NOXRED1: variants seen among roughly 807,000 people sequenced by gnomAD.
NOXRED1 encodes NADP dependent oxidoreductase domain containing 1.
Under a neutral mutation model 30.4 loss-of-function variants are expected in NOXRED1, and 20 were observed. The observed-to-expected ratio is 0.66, with a 90% CI of 0.46 to 0.96. The LOEUF is 0.96. Among genes scored for constraint, NOXRED1 ranks in the 40% least tolerant of loss-of-function variants. The probability of loss-of-function intolerance (pLI) is 0.00; values close to 1 mark genes in which losing one functional copy is unlikely to be tolerated. For synonymous variants in NOXRED1, 155 were observed against 168.0 expected (o/e 0.92, Z 0.60); for missense variants, 374 against 428.0 (o/e 0.87, Z 1.11).
intron 5 of NOXRED1, among the ~76,000 whole-genome samples, chr14:77,397,838 C>T (rs1222039129): frequency 6.8e-6 from 1 of 147,938 alleles, no homozygotes; most frequent in East Asian, 2.0e-4. Context: ...GCCGAGATTG[C>T]ACCACTCACT....
At position 77,394,104 on chromosome 14, in the gene NOXRED1, T is replaced by C. The variant is rs1894119760; in HGVS notation, c.*527A>G. The C allele has an allele frequency of 6.6e-6, 1 of 152,218 alleles. No homozygotes were observed. Among genetic ancestry groups the C allele is most frequent in the Non-Finnish European group, 1.5e-5 (1 of 68,048 alleles). 9.4% of individuals were successfully genotyped at this position (152,218 alleles called of 1,614,324 possible). A position where few individuals can be genotyped will look rare whatever the true frequency, so the allele number is the denominator to read the frequency against. On this transcript the variant is annotated 3_prime_UTR_variant, in exon 6 of 6. Transcript: ENST00000380835. ...TAAATGGTTTAAATGGGAACAGCTG[T>C]AAATAAGATAGTACCAGAACAGTCA...
At chr14:77,406,462 A>G (rs1894459710) in intron 4 of NOXRED1, 3 of 596,958 alleles carry the variant, frequency 5.0e-6, no homozygotes, top group Non-Finnish European at 8.9e-6. Context: ...AAGCCATTTT[A>G]GTCCAACATT....
chr14:77,423,104 G>A lies in NOXRED1; in HGVS notation c.-215C>T. The A allele has an allele frequency of 2.0e-6, 1 of 497,644 alleles. No individual in the cohort carries two copies. Among genetic ancestry groups the A allele is most frequent in the Non-Finnish European group, 3.5e-6 (1 of 284,120 alleles). The allele number at this position is 497,644 out of a possible 1,614,324, so 30.8% of individuals were successfully genotyped here. The stretch of plus-strand genomic sequence containing the variant: ...ACACTCTAGAGTGTGAGTGTTTGAG[G>A]ATTCCTAATCACTGGCTGCCCATGA... On this transcript the variant is annotated 5_prime_UTR_variant, in exon 1 of 6. Coordinates refer to ENST00000380835, the MANE Select transcript of NOXRED1 (RefSeq NM_001113475.3).
upstream of NOXRED1, among the ~76,000 whole-genome samples, chr14:77,423,816 A>G (rs1895062462): frequency 6.6e-6 from 1 of 152,212 alleles, no homozygotes; most frequent in Non-Finnish European, 1.5e-5. Context: ...TTTGTGTTCA[A>G]GAAACCAATA....
At chr14:77,416,789 G>T (rs71413462) in intron 1 of NOXRED1, among the ~76,000 whole-genome samples, 1 of 150,384 alleles carries the variant, frequency 6.6e-6, no homozygotes, top group East Asian at 2.0e-4. Context: ...CCGGGCAGAG[G>T]CGCCCCTCAC....
intron 5 of NOXRED1, among the ~76,000 whole-genome samples, chr14:77,399,804 T>G (rs1255415459): frequency 6.6e-6 from 1 of 152,040 alleles, no homozygotes; most frequent in East Asian, 1.9e-4. Flanking sequence ...CAAGAAATAT[T>G]TGAAACAATA....
intron 2 of NOXRED1, 129 bp from the exon 3 acceptor site, chr14:77,407,774 A>G (rs778085604): frequency 5.2e-5 from 34 of 650,900 alleles, no homozygotes; most frequent in Non-Finnish European, 9.1e-5. Context: ...CATAAATCAG[A>G]AGATATTCCT....
At chr14:77,407,960 C>T (rs1158859190) in intron 2 of NOXRED1, among the ~76,000 whole-genome samples, 1 of 151,680 alleles carries the variant, frequency 6.6e-6, no homozygotes, top group Non-Finnish European at 1.5e-5. Context: ...CTCCGCCTCC[C>T]GGGTTCAAGC....
At chr14:77,396,302 T>C (rs1894182609) in intron 5 of NOXRED1, among the ~76,000 whole-genome samples, 1 of 131,726 alleles carries the variant, frequency 7.6e-6, no homozygotes, top group African/African-American at 3.2e-5. Context: ...CAGGCTGCAG[T>C]GCGATGGTGT....
intron 3 of NOXRED1, among the ~76,000 whole-genome samples, chr14:77,407,154 C>G (rs17105757): frequency 6.6e-6 from 1 of 152,112 alleles, no homozygotes; most frequent in Non-Finnish European, 1.5e-5. Flanking sequence ...TGTTATTGAC[C>G]GATGGTTTCT....
intron 5 of NOXRED1, 102 bp downstream of exon 5, chr14:77,405,811 T>C (rs1170840369): frequency 4.3e-6 from 3 of 698,346 alleles, no homozygotes; most frequent in Non-Finnish European, 7.2e-6. Context: ...GTATAATTTT[T>C]ATCAATGTTT....
chr14:77,413,543 C>T (rs57273914), intron 2 of NOXRED1, among the ~76,000 whole-genome samples: 9,368 of 152,056 alleles, frequency 0.062, 354 homozygotes, highest in Middle Eastern at 0.095. Flanking sequence ...GACCACAAAA[C>T]ATTTTTTTAA....
intron 1 of NOXRED1, among the ~76,000 whole-genome samples, chr14:77,420,781 T>C (rs962064039): frequency 6.6e-6 from 1 of 152,144 alleles, no homozygotes; most frequent in East Asian, 1.9e-4. Flanking sequence ...ACTGGCACCA[T>C]ACAGGGGAAG....
At chr14:77,406,906 T>C in intron 3 of NOXRED1, 31 bp from the exon 4 acceptor site, 1 of 1,595,284 alleles carries the variant, frequency 6.3e-7, no homozygotes, top group Non-Finnish European at 8.6e-7. Context: ...GGGAGTGCAA[T>C]GCCAGGACTG....
Position 77,394,465 on chromosome 14 carries a change from A to G in NOXRED1, c.*166T>C. 1 of 465,862 alleles carries G rather than the reference A, an allele frequency of 2.1e-6. No individual in the cohort carries two copies. Among genetic ancestry groups the G allele is most frequent in the Non-Finnish European group, 3.8e-6 (1 of 265,352 alleles). 28.9% of individuals were successfully genotyped at this position (465,862 alleles called of 1,614,324 possible). A position where few individuals can be genotyped will look rare whatever the true frequency, so the allele number is the denominator to read the frequency against. Reference sequence around the variant, plus strand: ...ATTGATGGATAGGACCACTTGTTTTATTCTACATTTTAAAGAGTCATCAGT... The same window carrying G: ...ATTGATGGATAGGACCACTTGTTTTGTTCTACATTTTAAAGAGTCATCAGT... On this transcript the variant is annotated 3_prime_UTR_variant, in exon 6 of 6. Coordinates refer to ENST00000380835, the MANE Select transcript of NOXRED1 (RefSeq NM_001113475.3).
At chr14:77,395,489 T>G (rs1894157815) in intron 5 of NOXRED1, among the ~76,000 whole-genome samples, 1 of 152,098 alleles carries the variant, frequency 6.6e-6, no homozygotes, top group Admixed American at 6.6e-5. Flanking sequence ...GCTTTTAAGA[T>G]ATCCTCTTTA....
At chr14:77,419,954 T>C (rs1456041052) in intron 1 of NOXRED1, among the ~76,000 whole-genome samples, 1 of 152,202 alleles carries the variant, frequency 6.6e-6, no homozygotes. Context: ...GTGGTCCTCT[T>C]TGGGTTCATC....
At chr14:77,418,980 CT>C (rs1894908866) in intron 1 of NOXRED1, among the ~76,000 whole-genome samples, 1 of 151,352 alleles carries the variant, frequency 6.6e-6, no homozygotes, top group Non-Finnish European at 1.5e-5. Flanking sequence ...TTCATTTCAA[CT>C]TAAGGATTCC....
intron 1 of NOXRED1, among the ~76,000 whole-genome samples, chr14:77,419,067 TCTC>T (rs1398857282): frequency 1.4e-5 from 2 of 143,424 alleles, no homozygotes; most frequent in African/African-American, 2.5e-5. Context: ...GCTCTTTCTT[TCTC>T]TTTTTTTTTT....
Sources: gnomAD v4.1 joint callset for allele counts (sites outside exome capture counted in the v4.1 genomes callset) on GRCh38, gnomAD v4.1.1 for gene constraint, MANE v1.5 for transcripts, NCBI Gene and HGNC (gene_info 2026-07-23, HGNC 2026-07-21) for gene names.